Variants in XDH observed in about 807,000 individuals in gnomAD.
XDH encodes the protein xanthine dehydrogenase.
A neutral mutation model predicts 156.1 loss-of-function variants in XDH; 138 were observed. The observed-to-expected ratio is 0.88, with a 90% CI of 0.77 to 1.02. The LOEUF (loss-of-function observed/expected upper bound fraction) is 1.02. Among genes scored for constraint, XDH ranks in the 50% least tolerant of loss-of-function variants. The pLI, the probability that XDH is intolerant of heterozygous loss-of-function variation, is 0.00. For synonymous variants in XDH, 669 were observed against 625.7 expected, an observed-to-expected ratio of 1.07 and a Z score of -1.03; for missense variants, 1,849 against 1,684.9, an observed-to-expected ratio of 1.10 and a Z score of -1.71.
intron 2 of XDH, among the ~76,000 whole-genome samples, chr2:31,404,183 T>A (rs1422239488): frequency 6.6e-6 from 1 of 152,158 alleles, no homozygotes; most frequent in Non-Finnish European, 1.5e-5. Flanking sequence ...GCCATCGGAC[T>A]CCAGACTGGG....
At chr2:31,408,702 C>T (rs1356576216) in intron 1 of XDH, among the ~76,000 whole-genome samples, 1 of 152,138 alleles carries the variant, frequency 6.6e-6, no homozygotes, top group Non-Finnish European at 1.5e-5. Context: ...GAAATTAGTA[C>T]AGCCACTATG....
intron 3 of XDH, among the ~76,000 whole-genome samples, chr2:31,402,250 TA>T (rs1335656923): frequency 6.6e-6 from 1 of 152,248 alleles, no homozygotes; most frequent in Non-Finnish European, 1.5e-5. Flanking sequence ...ATAGACCAAG[TA>T]AGGCAATTGT....
intron 24 of XDH, among the ~76,000 whole-genome samples, chr2:31,353,192 T>C (rs1685529662): frequency 6.6e-6 from 1 of 152,194 alleles, no homozygotes; most frequent in South Asian, 2.1e-4. Context: ...AACAACTCAA[T>C]ATTCCAAGTT....
At chr2:31,375,276 G>T in intron 15 of XDH, 104 bp downstream of exon 15, 2 of 1,400,306 alleles carry the variant, frequency 1.4e-6, no homozygotes, top group East Asian at 2.3e-5. Flanking sequence ...CTGCTATTCT[G>T]CCCTCAGATG....
rs1231007873 is a variant in XDH, at chr2:31,372,390, G to T, written c.1694C>A (p.Pro565His). ...PADVQLFQEV[P>H]KGQSEEDMVG... Reference sequence around the variant, plus strand: ...CATGTCCTCCTCAGACTGACCCTTGGGCACCTCCTGGAATGACAGGGTCAT... The same window carrying T: ...CATGTCCTCCTCAGACTGACCCTTGTGCACCTCCTGGAATGACAGGGTCAT... Residue 565 changes from proline to histidine, a missense_variant, in exon 17 of 36, where the codon CCC becomes CAC. Coordinates refer to ENST00000379416, the MANE Select transcript of XDH (RefSeq NM_000379.4). 1 of 1,613,992 alleles carries T rather than the reference G, an allele frequency of 6.2e-7. No homozygotes were observed. The highest frequency in any genetic ancestry group is 8.5e-7 in the Non-Finnish European group (1 of 1,180,036).
intron 4 of XDH, among the ~76,000 whole-genome samples, chr2:31,400,395 C>T (rs929993121): frequency 2.5e-4 from 38 of 152,152 alleles, no homozygotes; most frequent in African/African-American, 6.5e-4. Context: ...CCCGCCACTC[C>T]GCCTGGCTAA....
Position 31,337,661 on chromosome 2 carries a change from C to G in XDH, c.3931G>C (p.Val1311Leu). The part of the protein sequence containing the change: ...ATPEKIRNAC[V>L]DKFTTLCVTG... Reference sequence around the variant, plus strand: ...CATACCAGGGTGGTGAACTTGTCCACGCAGGCATTGCGGATCTTCTCCGGG... The same window carrying G: ...CATACCAGGGTGGTGAACTTGTCCAGGCAGGCATTGCGGATCTTCTCCGGG... Residue 1311 changes from valine (V) to leucine (L), a missense_variant, in exon 35 of 36, where the codon GTG becomes CTG. Transcript: ENST00000379416. 1.9e-6 allele frequency: 3 copies of G among 1,614,160 alleles called. No homozygotes were observed. Among genetic ancestry groups the G allele is most frequent in the Non-Finnish European group, 2.5e-6 (3 of 1,180,034 alleles).
intron 1 of XDH, among the ~76,000 whole-genome samples, chr2:31,411,785 G>A (rs1196834311): frequency 6.6e-6 from 1 of 152,196 alleles, no homozygotes; most frequent in Non-Finnish European, 1.5e-5. Context: ...ATTTCAGAAG[G>A]TATTACTTTG....
intron 31 of XDH, among the ~76,000 whole-genome samples, chr2:31,344,116 G>A (rs972733732): frequency 2.6e-5 from 4 of 152,070 alleles, no homozygotes; most frequent in South Asian, 2.1e-4. Flanking sequence ...AGCTATTCAC[G>A]CTGCTACTAA....
chr2:31,342,999 T>C (rs1164518530), intron 31 of XDH, among the ~76,000 whole-genome samples: 3 of 152,082 alleles, frequency 2.0e-5, no homozygotes, highest in Non-Finnish European at 2.9e-5. Context: ...TACAGTACAC[T>C]GACTCTGTGT....
intron 17 of XDH, 95 bp downstream of exon 17, chr2:31,372,133 A>C (rs1261573646): frequency 6.3e-6 from 10 of 1,593,872 alleles, no homozygotes; most frequent in Non-Finnish European, 8.6e-6. Context: ...TTATCTTTGC[A>C]TCTCCATGGC....
chr2:31,412,184 G>A (rs1018343882), intron 1 of XDH, among the ~76,000 whole-genome samples: 2 of 152,018 alleles, frequency 1.3e-5, no homozygotes, highest in African/African-American at 4.8e-5. Context: ...ATAAAATACT[G>A]GACAGCTCTT....
intron 6 of XDH, among the ~76,000 whole-genome samples, chr2:31,392,591 A>G (rs1234704469): frequency 1.3e-5 from 2 of 151,702 alleles, no homozygotes; most frequent in Non-Finnish European, 2.9e-5. Flanking sequence ...TGCCTGGCTA[A>G]TTTTTGTATT....
rs979633551 is a variant in XDH at position 31,399,643 on chromosome 2, G to A, written c.307-944C>T. Among the ~76,000 whole-genome samples the A allele has an allele frequency of 9.2e-5, 14 of 152,162 alleles. No individual in the cohort carries two copies. The East Asian group carries it at 9.6e-4, about 10-fold the overall frequency. ...AGCCCCCATAATTCCCATGTGTTGC[G>A]AGAGGGACCCTGTGGGAGATAACTG... On this transcript the variant is annotated intron_variant, in intron 4 of 35. Coordinates refer to ENST00000379416, the MANE Select transcript of XDH (RefSeq NM_000379.4).
chr2:31,343,531 G>GTATAATGCATATATATATGCCTTA (rs1685196209), intron 31 of XDH, among the ~76,000 whole-genome samples: 1 of 119,792 alleles, frequency 8.3e-6, no homozygotes, highest in African/African-American at 3.3e-5. Flanking sequence ...ATACATATAT[G>GTATAATGCATATATATATGCCTTA]TATAAGGCAT....
At chr2:31,336,102 T>C in intron 35 of XDH, 94 bp from the exon 36 acceptor site, 1 of 1,360,472 alleles carries the variant, frequency 7.4e-7, no homozygotes, top group Non-Finnish European at 1.1e-6. Flanking sequence ...CTGCCAACCA[T>C]CATTCCAAGG....
intron 1 of XDH, among the ~76,000 whole-genome samples, chr2:31,411,091 G>C (rs1687329635): frequency 6.6e-6 from 1 of 151,936 alleles, no homozygotes; most frequent in Admixed American, 6.6e-5. Flanking sequence ...ACATCAGCCT[G>C]GCCAAGATGG....
At position 31,347,639 on chromosome 2, in the gene XDH, T is replaced by C; in HGVS notation, c.3159A>G (p.Arg1053=). Residue 1053 remains arginine (R), a synonymous_variant, in exon 29 of 36, where the codon AGA becomes AGG. Coordinates refer to ENST00000379416, the MANE Select transcript of XDH (RefSeq NM_000379.4). ...TCTTAGAGGTGGGGATTTTCAGAGCTCTACTGGCCACCTGCGAAAAGAGAA... is the reference window on the plus strand; with the variant it reads ...TCTTAGAGGTGGGGATTTTCAGAGCCCTACTGGCCACCTGCGAAAAGAGAA... ...LHTKMVQVAS[R]ALKIPTSKIY... The C allele has an allele frequency of 3.7e-6, 6 of 1,613,738 alleles. No individual in the cohort carries two copies. The highest frequency in any genetic ancestry group is 4.2e-6 in the Non-Finnish European group (5 of 1,179,708).
intron 13 of XDH, among the ~76,000 whole-genome samples, chr2:31,378,123 G>GAAAGAAAGAAAGAAAGAAAGAAAGAAA (rs1558696709): frequency 2.5e-5 from 1 of 39,928 alleles, no homozygotes; most frequent in African/African-American, 9.6e-5. Flanking sequence ...AGGAAGGAAG[G>GAAAGAAAGAAAGAAAGAAAGAAAGAAA]AAGGAAGGAA....
Sources: gnomAD v4.1 joint callset for allele counts (sites outside exome capture counted in the v4.1 genomes callset) on GRCh38, gnomAD v4.1.1 for gene constraint, MANE v1.5 for transcripts, NCBI Gene and HGNC (gene_info 2026-07-23, HGNC 2026-07-21) for gene names.